The following NLGN1 variants were observed in gnomAD, a reference collection of about 807,000 sequenced individuals.
The protein encoded by NLGN1 is neuroligin-1.
NLGN1 carries 12 observed loss-of-function variants against 65.5 expected under a neutral mutation model. The ratio of observed to expected loss-of-function variants is 0.18; its 90% CI spans 0.12 to 0.30. The LOEUF (loss-of-function observed/expected upper bound fraction) is 0.30. NLGN1 is among the 10% of genes least tolerant of loss of function. NLGN1 has a pLI of 1.00. For missense variants in NLGN1, 750 were observed against 1,007.1 expected, an observed-to-expected ratio of 0.74 and a Z score of 3.46; for synonymous variants, 350 against 359.5, an observed-to-expected ratio of 0.97 and a Z score of 0.30.
In NLGN1 at chr3:173,620,373, T is replaced by A. The variant is rs1190299450; in HGVS notation, c.493+15282T>A. ...GAAATAATGGAAACAAGGATGACTC[T>A]AAGATGTCTTACTGTCCAGTACCTT... On this transcript the variant is annotated intron_variant, in intron 3 of 6. Coordinates refer to ENST00000457714, the Ensembl canonical transcript of NLGN1. 2.6e-5 allele frequency among the ~76,000 whole-genome samples: 4 copies of A among 152,148 alleles called. No individual in the cohort carries two copies. In the East Asian group the frequency reaches 7.7e-4, roughly 29 times the overall value.
At chr3:174,140,537 G>C (rs779428390) in intron 4 of NLGN1, among the ~76,000 whole-genome samples, 43 of 152,174 alleles carry the variant, frequency 2.8e-4, no homozygotes, top group Non-Finnish European at 4.1e-4. Context: ...AGGAAATGAG[G>C]CAAAAAGAAA....
At chr3:173,555,068 T>C (rs1233554858) in intron 2 of NLGN1, among the ~76,000 whole-genome samples, 2 of 152,222 alleles carry the variant, frequency 1.3e-5, no homozygotes, top group African/African-American at 4.8e-5. Context: ...TAATGAGTTA[T>C]CTTTTCAAAT....
At chr3:174,174,464 C>T (rs568792519) in intron 4 of NLGN1, among the ~76,000 whole-genome samples, 105 of 152,138 alleles carry the variant, frequency 6.9e-4, no homozygotes, top group Non-Finnish European at 1.2e-3. Context: ...TCCCTATTCA[C>T]CACATCCATG....
chr3:173,754,024 CT>C (rs71162358), intron 3 of NLGN1, among the ~76,000 whole-genome samples: 63,406 of 120,958 alleles, frequency 0.52, 13,726 homozygotes, highest in East Asian at 0.65. Context: ...TCTTTCTTTT[CT>C]TTTTTTTTTT....
At chr3:173,645,377 C>T (rs187414560) in intron 3 of NLGN1, among the ~76,000 whole-genome samples, 28 of 152,302 alleles carry the variant, frequency 1.8e-4, no homozygotes, top group African/African-American at 6.7e-4. Context: ...GGTTTCAGTC[C>T]CCATGACAGT....
intron 4 of NLGN1, among the ~76,000 whole-genome samples, chr3:173,924,448 T>C (rs1343227095): frequency 6.6e-6 from 1 of 151,958 alleles, no homozygotes; most frequent in African/African-American, 2.4e-5. Context: ...TTTTGTAATG[T>C]ATGATAGTAG....
intron 2 of NLGN1, among the ~76,000 whole-genome samples, chr3:173,572,241 AG>A (rs1217198853): frequency 6.6e-6 from 1 of 152,252 alleles, no homozygotes; most frequent in African/African-American, 2.4e-5. Flanking sequence ...TTGGTCTTGA[AG>A]GAGGGGACCA....
chr3:174,155,522 A>G (rs550260510), intron 4 of NLGN1, among the ~76,000 whole-genome samples: 55 of 152,076 alleles, frequency 3.6e-4, no homozygotes, highest in Non-Finnish European at 6.3e-4. Context: ...TCATTAGACA[A>G]TATAGGGAAA....
intron 2 of NLGN1, among the ~76,000 whole-genome samples, chr3:173,453,175 C>T (rs1329089917): frequency 6.6e-6 from 1 of 151,662 alleles, no homozygotes; most frequent in Non-Finnish European, 1.5e-5. Flanking sequence ...TCACGGCTCA[C>T]TGCAGTCTCC....
At chr3:174,164,560 T>A (rs1727154267) in intron 4 of NLGN1, among the ~76,000 whole-genome samples, 1 of 152,088 alleles carries the variant, frequency 6.6e-6, no homozygotes, top group South Asian at 2.1e-4. Context: ...TACAGGCCAT[T>A]TTATTCTTGT....
intron 3 of NLGN1, chr3:173,724,506 C>T (rs999553211): frequency 5.6e-6 from 1 of 178,520 alleles, no homozygotes; most frequent in Admixed American, 5.2e-5. Flanking sequence ...GAACTCCTGA[C>T]CATAGGTGAT....
At chr3:173,644,750 C>T (rs145814299) in intron 3 of NLGN1, 1 of 153,304 alleles carries the variant, frequency 6.5e-6, no homozygotes, top group African/African-American at 2.4e-5. Flanking sequence ...TTCTGGAGAT[C>T]TCTTATGGAA....
At chr3:173,985,911 C>T (rs1041483189) in intron 4 of NLGN1, among the ~76,000 whole-genome samples, 5 of 152,016 alleles carry the variant, frequency 3.3e-5, no homozygotes, top group Admixed American at 2.0e-4. Flanking sequence ...GATGGTGCCA[C>T]TGAACTCCAG....
chr3:174,022,928 C>A (rs1728053879), intron 4 of NLGN1, among the ~76,000 whole-genome samples: 1 of 152,104 alleles, frequency 6.6e-6, no homozygotes, highest in African/African-American at 2.4e-5. Flanking sequence ...TGTAAAAGTT[C>A]ATCAAGCTGT....
At chr3:173,959,727 A>G (rs1051411163) in intron 4 of NLGN1, among the ~76,000 whole-genome samples, 1 of 152,122 alleles carries the variant, frequency 6.6e-6, no homozygotes, top group East Asian at 1.9e-4. Flanking sequence ...TGAAATTTTT[A>G]ATTTATTTTT....
chr3:173,512,754 C>T (rs1733191436), intron 2 of NLGN1, among the ~76,000 whole-genome samples: 1 of 152,154 alleles, frequency 6.6e-6, no homozygotes, highest in African/African-American at 2.4e-5. Context: ...CCTAGAGTTT[C>T]TCTGCACCTG....
At chr3:173,705,471 CA>C (rs1767909564) in intron 3 of NLGN1, among the ~76,000 whole-genome samples, 1 of 152,098 alleles carries the variant, frequency 6.6e-6, no homozygotes. Flanking sequence ...AGATGTTAGA[CA>C]GGTAAAAATA....
At chr3:173,924,312 T>A (rs530140566) in intron 4 of NLGN1, among the ~76,000 whole-genome samples, 1 of 152,078 alleles carries the variant, frequency 6.6e-6, no homozygotes, top group South Asian at 2.1e-4. Context: ...CTGATAAAGG[T>A]CTCTCAAACG....
intron 4 of NLGN1, among the ~76,000 whole-genome samples, chr3:173,963,829 C>A (rs181376810): frequency 1.2e-3 from 190 of 152,238 alleles, no homozygotes; most frequent in Non-Finnish European, 2.1e-3. Context: ...CAGAGGTGGG[C>A]AGACTTGGAA....
Sources: gnomAD v4.1 joint callset for allele counts (sites outside exome capture counted in the v4.1 genomes callset) on GRCh38, gnomAD v4.1.1 for gene constraint, MANE v1.5 for transcripts, NCBI Gene and HGNC (gene_info 2026-07-23, HGNC 2026-07-21) for gene names.